Variants in ZNF865 observed in about 807,000 individuals in gnomAD.
ZNF865 encodes zinc finger protein 865.
For synonymous variants in ZNF865, 763 were observed against 750.8 expected, an observed-to-expected ratio of 1.02 and a Z score of -0.27; for missense variants, 1,311 against 1,593.4, an observed-to-expected ratio of 0.82 and a Z score of 3.02.
intron 1 of ZNF865, among the ~76,000 whole-genome samples, chr19:55,607,116 TA>T (rs1228068286): frequency 6.6e-6 from 1 of 152,196 alleles, no homozygotes; most frequent in Non-Finnish European, 1.5e-5. Flanking sequence ...TGGGATAAAT[TA>T]TCTAGCCTTT....
In ZNF865 at chr19:55,613,835, C is replaced by G; in HGVS notation, c.217C>G (p.Pro73Ala). ...CCCGCCGCAGCCCCCGCCGCAGCCC[C>G]CTCCCCCGCAGTATGACTACCCGCC... ...GPPPQPPPQPPPPQYDYPPQS... is the reference protein window; with the variant it reads ...GPPPQPPPQPAPPQYDYPPQS... The change falls in exon 2 of 2, where the codon CCT (proline) becomes GCT (alanine). Residue 73 changes from proline to alanine, a missense_variant. By Grantham distance (27) the Pro-to-Ala change is conservative. Coordinates refer to ENST00000568956, the MANE Select transcript of ZNF865 (RefSeq NM_001195605.2). 1 of 1,502,384 alleles carries G rather than the reference C, an allele frequency of 6.7e-7. No individual in the cohort carries two copies. The highest frequency in any genetic ancestry group is 8.9e-7 in the Non-Finnish European group (1 of 1,125,266). 93.1% of individuals were successfully genotyped at this position (1,502,384 alleles called of 1,614,324 possible). A position where few individuals can be genotyped will look rare whatever the true frequency, so the allele number is the denominator to read the frequency against.
intron 1 of ZNF865, among the ~76,000 whole-genome samples, chr19:55,607,119 C>A: frequency 6.6e-6 from 1 of 152,176 alleles, no homozygotes; most frequent in East Asian, 1.9e-4. Context: ...GATAAATTAT[C>A]TAGCCTTTGT....
In ZNF865 at chr19:55,605,706, C is replaced by G. The variant is rs1980911579; in HGVS notation, c.-53C>G. 2 of 152,064 alleles carry G rather than the reference C, an allele frequency of 1.3e-5. No individual in the cohort carries two copies. Among genetic ancestry groups the G allele is most frequent in the South Asian group, 4.1e-4 (2 of 4,820 alleles). The allele number at this position is 152,064 out of a possible 1,614,324, so 9.4% of individuals were successfully genotyped here. A position where few individuals can be genotyped will look rare whatever the true frequency, so the allele number is the denominator to read the frequency against. On this transcript the variant is annotated 5_prime_UTR_variant, in exon 1 of 2. Coordinates refer to ENST00000568956, the MANE Select transcript of ZNF865 (RefSeq NM_001195605.2). ...GCGGCGCCTCCTCCGCCTCCTCGGC[C>G]TCCTCCCGGCGGAGACCCCGGCGCC...
At chr19:55,606,667 A>G (rs1980955584) in intron 1 of ZNF865, among the ~76,000 whole-genome samples, 1 of 152,260 alleles carries the variant, frequency 6.6e-6, no homozygotes, top group Admixed American at 6.5e-5. Context: ...TCCCTAGGGA[A>G]GACCCTGGAC....
In ZNF865 at chr19:55,617,012, C is replaced by T. The variant is rs1981386799; in HGVS notation, c.*214C>T. 1 of 463,962 alleles carries T rather than the reference C, an allele frequency of 2.2e-6. No homozygotes were observed. Among genetic ancestry groups the T allele is most frequent in the Non-Finnish European group, 3.7e-6 (1 of 271,688 alleles). 28.7% of individuals were successfully genotyped at this position (463,962 alleles called of 1,614,324 possible). A position where few individuals can be genotyped will look rare whatever the true frequency, so the allele number is the denominator to read the frequency against. ...TCCCCTCATCCCATCAGACACTGAA[C>T]CCTATCCTCCGTCCAACCCTCGTTT... is the stretch of plus-strand genomic sequence containing the variant. On this transcript the variant is annotated 3_prime_UTR_variant, in exon 2 of 2. Transcript: ENST00000568956.
In ZNF865 at chr19:55,615,854, GC is replaced by G; in HGVS notation, c.2238del (p.Ser747AlafsTer62). 1 of 1,493,518 alleles carries G rather than the reference GC, an allele frequency of 6.7e-7. No homozygotes were observed. The highest frequency in any genetic ancestry group is 2.2e-5 in the Admixed American group (1 of 44,464). The allele number at this position is 1,493,518 out of a possible 1,614,324, so 92.5% of individuals were successfully genotyped here. On this transcript the variant is annotated frameshift_variant, in exon 2 of 2. Coordinates refer to ENST00000568956, the MANE Select transcript of ZNF865 (RefSeq NM_001195605.2). LOFTEE classifies it low-confidence loss of function (END_TRUNC). ...PPDGSSGTDA[A>X]SVLDNGLAGE... ...GGACGGCTCCAGCGGCACGGATGCG[GC>G]CAGCGTGCTGGACAACGGGCTGGCG... is the stretch of plus-strand genomic sequence containing the variant.
chr19:55,615,791 C>A lies in ZNF865; in HGVS notation c.2173C>A (p.Arg725Ser). 6.6e-7 allele frequency: 1 copy of A among 1,517,674 alleles called. No individual in the cohort carries two copies. The highest frequency in any genetic ancestry group is 8.8e-7 in the Non-Finnish European group (1 of 1,138,378). 94.0% of individuals were successfully genotyped at this position (1,517,674 alleles called of 1,614,324 possible). ...HKLVHQAAPE[R>S]LLPPAPGGLQ... is the part of the protein sequence containing the mutation. ...GCTGGTCCACCAGGCCGCCCCCGAG[C>A]GCCTGCTCCCGCCCGCACCCGGCGG... Residue 725 changes from arginine to serine, a missense_variant, in exon 2 of 2, where the codon CGC becomes AGC. Coordinates refer to ENST00000568956, the MANE Select transcript of ZNF865 (RefSeq NM_001195605.2).
chr19:55,606,112 C>T (rs1600005617), intron 1 of ZNF865, among the ~76,000 whole-genome samples: 1 of 152,138 alleles, frequency 6.6e-6, no homozygotes, highest in Admixed American at 6.6e-5. Context: ...CTCGTGAACC[C>T]TCTTATTAGT....
chr19:55,608,961 G>A (rs772900611), intron 1 of ZNF865, among the ~76,000 whole-genome samples: 4 of 152,092 alleles, frequency 2.6e-5, no homozygotes, highest in Non-Finnish European at 5.9e-5. Context: ...TGGGACTCTG[G>A]AGCCTTGCTG....
chr19:55,613,451 C>A, intron 1 of ZNF865, 142 bp from the exon 2 acceptor site: 1 of 734,368 alleles, frequency 1.4e-6, no homozygotes. Flanking sequence ...TTGGGGTGGA[C>A]AGGCAGAGGG....
At chr19:55,613,452 A>C (rs971859865) in intron 1 of ZNF865, 141 bp from the exon 2 acceptor site, 11 of 738,488 alleles carry the variant, frequency 1.5e-5, no homozygotes, top group Non-Finnish European at 2.3e-5. Flanking sequence ...TGGGGTGGAC[A>C]GGCAGAGGGA....
Position 55,614,325 on chromosome 19 carries a change from C to T in ZNF865, c.707C>T (p.Ser236Phe). 1 of 1,502,038 alleles carries T rather than the reference C, an allele frequency of 6.7e-7. No individual in the cohort carries two copies. The highest frequency in any genetic ancestry group is 8.8e-7 in the Non-Finnish European group (1 of 1,130,598). The allele number at this position is 1,502,038 out of a possible 1,614,324, so 93.0% of individuals were successfully genotyped here. A position where few individuals can be genotyped will look rare whatever the true frequency, so the allele number is the denominator to read the frequency against. Residue 236 changes from serine to phenylalanine, a missense_variant, in exon 2 of 2, where the codon TCC becomes TTC. By Grantham distance (155) the Ser-to-Phe change is radical. Transcript: ENST00000568956. This position sits in a 1 kb window ranked among gnomAD's most constrained non-coding sequence, Gnocchi z 8.0. ...GTGTGCCAGAAGTCCTTCAAGCAGT[C>T]CTCGCACCTGGTCCAGCACATGCTG... ...CGVCQKSFKQ[S>F]SHLVQHMLVH... is the part of the protein sequence containing the mutation.
At chr19:55,610,087 C>G (rs931133545) in intron 1 of ZNF865, among the ~76,000 whole-genome samples, 1 of 152,194 alleles carries the variant, frequency 6.6e-6, no homozygotes, top group Non-Finnish European at 1.5e-5. Context: ...TGTCCCCCTC[C>G]GTTCCTCTGG....
At position 55,611,959 on chromosome 19, in the gene ZNF865, C is replaced by G. The variant is rs548876180; in HGVS notation, c.-26-1634C>G. 2.6e-5 allele frequency among the ~76,000 whole-genome samples: 4 copies of G among 152,144 alleles called. No homozygotes were observed. The highest frequency in any genetic ancestry group is 9.6e-5 in the African/African-American group (4 of 41,492). On this transcript the variant is annotated intron_variant, in intron 1 of 1. Coordinates refer to ENST00000568956, the MANE Select transcript of ZNF865 (RefSeq NM_001195605.2). This position sits in a 1 kb window ranked among gnomAD's most constrained non-coding sequence, Gnocchi z 4.5. ...AATGAAAAGTCGTGTAAAGGAGGTG[C>G]CAGAGAATGATGCCGGGGGTGGAGG...
In ZNF865 at chr19:55,615,421, G is replaced by A; in HGVS notation, c.1803G>A (p.Thr601=). The change falls in exon 2 of 2, where the codon ACG becomes ACA. Residue 601 remains threonine, a synonymous_variant. Coordinates refer to ENST00000568956, the MANE Select transcript of ZNF865 (RefSeq NM_001195605.2). ...FHLSKHHVVH[T]RERPYKCELC... ...TGAGCAAGCATCACGTGGTGCACACGCGCGAGCGGCCCTACAAGTGCGAGC... is the reference window on the plus strand; with the variant it reads ...TGAGCAAGCATCACGTGGTGCACACACGCGAGCGGCCCTACAAGTGCGAGC... 1 of 1,493,720 alleles carries A rather than the reference G, an allele frequency of 6.7e-7. No homozygotes were observed. The allele number at this position is 1,493,720 out of a possible 1,614,324, so 92.5% of individuals were successfully genotyped here. A position where few individuals can be genotyped will look rare whatever the true frequency, so the allele number is the denominator to read the frequency against.
intron 1 of ZNF865, among the ~76,000 whole-genome samples, chr19:55,610,269 T>A (rs1981084318): frequency 6.6e-6 from 1 of 152,246 alleles, no homozygotes; most frequent in East Asian, 1.9e-4. Flanking sequence ...TTTGTTTGTT[T>A]GTGTTTTTGA....
chr19:55,607,020 G>A lies in ZNF865; in HGVS notation c.-27+1288G>A, dbSNP rs529867743. Among the ~76,000 whole-genome samples the A allele has an allele frequency of 4.1e-4, 62 of 152,292 alleles. No homozygotes were observed. The South Asian group carries it at 0.012, about 31-fold the overall frequency. ...CGGTGAGTGGAGGAGCAGCAGGGGA[G>A]GCCGGTGAGGGTGGAGTGGAAGATT... On this transcript the variant is annotated intron_variant, in intron 1 of 1. Coordinates refer to ENST00000568956, the MANE Select transcript of ZNF865 (RefSeq NM_001195605.2).
At chr19:55,606,761 T>C (rs1445443288) in intron 1 of ZNF865, among the ~76,000 whole-genome samples, 1 of 152,212 alleles carries the variant, frequency 6.6e-6, no homozygotes, top group East Asian at 1.9e-4. Context: ...GGGTATAATA[T>C]ACAGCCACGA....
In ZNF865 at chr19:55,613,953, C is replaced by T. The variant is rs1316652516; in HGVS notation, c.335C>T (p.Ser112Leu). The T allele has an allele frequency of 5.6e-5, 86 of 1,532,452 alleles. 1 individual carries two copies. In the East Asian group the frequency reaches 2.1e-3, roughly 37 times the overall value. The allele number at this position is 1,532,452 out of a possible 1,614,324, so 94.9% of individuals were successfully genotyped here. ...SSSSSSSSSS[S>L]SSSSSQAKKP... is the part of the protein sequence containing the mutation. ...TCTTCGTCCTCCTCGTCGTCATCTT[C>T]GTCCTCTTCCTCTTCCCAAGCCAAG... is the stretch of plus-strand genomic sequence containing the variant. Residue 112 changes from serine to leucine, a missense_variant, in exon 2 of 2, where the codon TCG becomes TTG. Ser to Leu is a moderately radical substitution (Grantham distance 145). Transcript: ENST00000568956.
Sources: gnomAD v4.1 joint callset for allele counts (sites outside exome capture counted in the v4.1 genomes callset) on GRCh38, gnomAD v4.1.1 for gene constraint, Gnocchi (gnomAD v3.1) non-coding constraint, MANE v1.5 for transcripts, NCBI Gene and HGNC (gene_info 2026-07-23, HGNC 2026-07-21) for gene names.